The following FHIT variants were observed in gnomAD, a reference collection of about 807,000 sequenced individuals.
FHIT encodes bis(5'-adenosyl)-triphosphatase.
A neutral mutation model predicts 17.9 loss-of-function variants in FHIT; 19 were observed. The observed-to-expected ratio is 1.06, with a 90% CI of 0.74 to 1.56. FHIT has a LOEUF of 1.56. Ranked by LOEUF, FHIT falls within the 40% of genes most tolerant of loss-of-function variation. The pLI is 0.00. For synonymous variants in FHIT, 81 were observed against 69.7 expected, an observed-to-expected ratio of 1.16 and a Z score of -0.81; for missense variants, 248 against 189.2, an observed-to-expected ratio of 1.31 and a Z score of -1.82.
chr3:60,112,354 C>T (rs1191293738), intron 5 of FHIT, among the ~76,000 whole-genome samples: 6 of 152,166 alleles, frequency 3.9e-5, no homozygotes, highest in Non-Finnish European at 7.3e-5. Context: ...TTACAACTGA[C>T]TCTACTAATG....
At chr3:60,997,436 A>G (rs2107596324) in intron 3 of FHIT, among the ~76,000 whole-genome samples, 1 of 152,228 alleles carries the variant, frequency 6.6e-6, no homozygotes, top group Admixed American at 6.5e-5. Context: ...AAAAATCAGA[A>G]GATCTTAGCA....
At chr3:60,853,721 T>G (rs782008958) in intron 3 of FHIT, among the ~76,000 whole-genome samples, 1 of 152,152 alleles carries the variant, frequency 6.6e-6, no homozygotes, top group Non-Finnish European at 1.5e-5. Context: ...TTTCATCTTT[T>G]ATCTAATGAT....
At chr3:60,164,682 T>A (rs894604366) in intron 5 of FHIT, among the ~76,000 whole-genome samples, 2 of 152,110 alleles carry the variant, frequency 1.3e-5, no homozygotes, top group African/African-American at 2.4e-5. Context: ...TTATTTGGCC[T>A]ACAGGTGTGC....
chr3:60,605,136 T>C (rs2107720368), intron 4 of FHIT, among the ~76,000 whole-genome samples: 1 of 152,166 alleles, frequency 6.6e-6, no homozygotes, highest in East Asian at 1.9e-4. Context: ...AGAGATGCAG[T>C]TGATTTTCCC....
chr3:60,347,223 C>T (rs1262783012), intron 5 of FHIT, among the ~76,000 whole-genome samples: 2 of 152,030 alleles, frequency 1.3e-5, no homozygotes, highest in African/African-American at 4.8e-5. Context: ...GCATTGTCTA[C>T]AAAGCCATTT....
At chr3:60,640,591 A>G (rs1485771223) in intron 4 of FHIT, among the ~76,000 whole-genome samples, 1 of 152,182 alleles carries the variant, frequency 6.6e-6, no homozygotes, top group Non-Finnish European at 1.5e-5. Flanking sequence ...TCATACTTCA[A>G]TAAGAAAATT....
At chr3:60,031,836 C>T (rs3843359) in intron 5 of FHIT, among the ~76,000 whole-genome samples, 100,062 of 152,002 alleles carry the variant, frequency 0.66, 33,843 homozygotes, top group African/African-American at 0.79. Context: ...AAATGACACA[C>T]AGTTATTTTT....
At chr3:60,671,723 T>C (rs1164958738) in intron 4 of FHIT, among the ~76,000 whole-genome samples, 1 of 150,774 alleles carries the variant, frequency 6.6e-6, no homozygotes, top group African/African-American at 2.4e-5. Context: ...GTGGATCACC[T>C]GAGGTCAGGA....
At chr3:59,874,321 G>A (rs1456068785) in intron 8 of FHIT, among the ~76,000 whole-genome samples, 1 of 152,142 alleles carries the variant, frequency 6.6e-6, no homozygotes, top group East Asian at 1.9e-4. Flanking sequence ...AAGACACCTG[G>A]TTAAAAAGTT....
chr3:59,920,614 AAC>A (rs1003040622), intron 8 of FHIT, among the ~76,000 whole-genome samples: 11 of 152,346 alleles, frequency 7.2e-5, no homozygotes, highest in Non-Finnish European at 8.8e-5. Flanking sequence ...AGCCTAAGGA[AAC>A]AGTGTTTTCA....
chr3:60,991,107 G>T (rs1426683932), intron 3 of FHIT, among the ~76,000 whole-genome samples: 3 of 152,148 alleles, frequency 2.0e-5, no homozygotes, highest in Non-Finnish European at 4.4e-5. Context: ...GGGGGTGGAG[G>T]GGCGGTCAGA....
At chr3:60,042,772 T>TAA (rs934185661) in intron 5 of FHIT, among the ~76,000 whole-genome samples, 3 of 147,260 alleles carry the variant, frequency 2.0e-5, no homozygotes, top group South Asian at 2.2e-4. Context: ...CAGAGATGAG[T>TAA]AAAAAAAAAA....
intron 4 of FHIT, among the ~76,000 whole-genome samples, chr3:60,739,134 T>A (rs1488866265): frequency 2.0e-5 from 3 of 152,086 alleles, no homozygotes; most frequent in African/African-American, 7.2e-5. Context: ...CAGCTCCCCA[T>A]CCATCCCATT....
intron 5 of FHIT, among the ~76,000 whole-genome samples, chr3:60,246,334 A>G (rs1705394936): frequency 6.6e-6 from 1 of 152,070 alleles, no homozygotes; most frequent in African/African-American, 2.4e-5. Flanking sequence ...CCAGGAGGGG[A>G]AAAATGTCCT....
intron 7 of FHIT, among the ~76,000 whole-genome samples, chr3:59,953,149 A>T (rs1057191050): frequency 6.6e-5 from 10 of 150,910 alleles, no homozygotes; most frequent in Admixed American, 2.6e-4. Context: ...CTGTGTTTCC[A>T]TGTGTGTAAG....
At chr3:60,934,564 C>T (rs1708106086) in intron 3 of FHIT, among the ~76,000 whole-genome samples, 1 of 152,178 alleles carries the variant, frequency 6.6e-6, no homozygotes, top group South Asian at 2.1e-4. Flanking sequence ...TCTACTGTGT[C>T]TCAAGCACAT....
At chr3:60,442,318 G>T (rs2030957151) in intron 5 of FHIT, among the ~76,000 whole-genome samples, 1 of 152,112 alleles carries the variant, frequency 6.6e-6, no homozygotes, top group African/African-American at 2.4e-5. Context: ...GTGGTGGGAA[G>T]ATGGTCTATA....
At chr3:59,955,340 G>C (rs1479835457) in intron 7 of FHIT, among the ~76,000 whole-genome samples, 2 of 152,090 alleles carry the variant, frequency 1.3e-5, no homozygotes, top group Non-Finnish European at 2.9e-5. Flanking sequence ...CTTTCTTTCT[G>C]GATGTTCCTC....
At chr3:60,130,245 C>G (rs569381415) in intron 5 of FHIT, among the ~76,000 whole-genome samples, 103 of 152,296 alleles carry the variant, frequency 6.8e-4, no homozygotes, top group African/African-American at 2.5e-3. Flanking sequence ...TTTCTCATCT[C>G]TAAAACTGGA....
Sources: gnomAD v4.1 joint callset for allele counts (sites outside exome capture counted in the v4.1 genomes callset) on GRCh38, gnomAD v4.1.1 for gene constraint, MANE v1.5 for transcripts, NCBI Gene and HGNC (gene_info 2026-07-23, HGNC 2026-07-21) for gene names.